KCNMB2: variants seen among roughly 807,000 people sequenced by gnomAD.
KCNMB2 encodes potassium calcium-activated channel subfamily M regulatory beta subunit 2.
In KCNMB2, 9 loss-of-function variants were observed where a neutral mutation model predicts 24.5. That is an observed-to-expected ratio of 0.37 (90% confidence interval 0.22 to 0.64). The LOEUF (loss-of-function observed/expected upper bound fraction) is 0.64, where lower values mean the gene tolerates loss of function less well. Among genes scored for constraint, KCNMB2 ranks in the 30% least tolerant of loss-of-function variants. The pLI is 0.63. For synonymous variants in KCNMB2, 109 were observed against 104.4 expected, an observed-to-expected ratio of 1.04 and a Z score of -0.27; for missense variants, 226 against 284.3, an observed-to-expected ratio of 0.79 and a Z score of 1.47.
At chr3:178,800,294 T>A (rs1324408196) in intron 1 of KCNMB2, among the ~76,000 whole-genome samples, 1 of 152,174 alleles carries the variant, frequency 6.6e-6, no homozygotes, top group Non-Finnish European at 1.5e-5. Flanking sequence ...AAGGGATTAG[T>A]AACCAGAATA....
At chr3:178,617,236 A>T (rs1305373291) in intron 1 of KCNMB2, among the ~76,000 whole-genome samples, 1 of 152,174 alleles carries the variant, frequency 6.6e-6, no homozygotes, top group Non-Finnish European at 1.5e-5. Context: ...ATTCAAAAGA[A>T]ATGTTACCAT....
At chr3:178,808,100 C>A (rs1714047765) in intron 2 of KCNMB2, among the ~76,000 whole-genome samples, 1 of 151,608 alleles carries the variant, frequency 6.6e-6, no homozygotes, top group South Asian at 2.1e-4. Context: ...GGAAGAATAG[C>A]CTGGGAGGAA....
chr3:178,707,897 C>T (rs1360115948), intron 1 of KCNMB2, among the ~76,000 whole-genome samples: 1 of 152,166 alleles, frequency 6.6e-6, no homozygotes, highest in East Asian at 1.9e-4. Flanking sequence ...CCCACCAGGA[C>T]AGTCCAAGTA....
intron 2 of KCNMB2, among the ~76,000 whole-genome samples, chr3:178,809,667 G>A (rs986771888): frequency 2.0e-5 from 3 of 152,176 alleles, no homozygotes; most frequent in Admixed American, 6.5e-5. Context: ...AATAGAGTTG[G>A]ATATTGCATA....
At chr3:178,665,740 T>C (rs1048356281) in intron 1 of KCNMB2, among the ~76,000 whole-genome samples, 1 of 152,156 alleles carries the variant, frequency 6.6e-6, no homozygotes, top group Non-Finnish European at 1.5e-5. Flanking sequence ...AGGCAAAGTT[T>C]CTATCCTCGT....
At chr3:178,623,767 A>T (rs138600650) in intron 1 of KCNMB2, among the ~76,000 whole-genome samples, 2 of 152,294 alleles carry the variant, frequency 1.3e-5, no homozygotes, top group East Asian at 1.9e-4. Context: ...TGCCCTGTAG[A>T]TATCTACAAA....
intron 1 of KCNMB2, among the ~76,000 whole-genome samples, chr3:178,590,630 T>C (rs1717631184): frequency 6.6e-6 from 1 of 152,204 alleles, no homozygotes; most frequent in Non-Finnish European, 1.5e-5. Context: ...TCCTCATCAA[T>C]GCTACAAAGT....
rs560676416 is a variant in KCNMB2, at chr3:178,678,099, G to T, written c.-67-129244G>T. 3.8e-4 allele frequency among the ~76,000 whole-genome samples: 58 copies of T among 152,318 alleles called. No individual in the cohort carries two copies. The Middle Eastern group carries it at 0.01, about 27-fold the overall frequency. ...AGAAGGTTGCTGAAATCAGTCTCTTGTCCAATCAAAATGGGAGTTATGGCT... is the reference window on the plus strand; with the variant it reads ...AGAAGGTTGCTGAAATCAGTCTCTTTTCCAATCAAAATGGGAGTTATGGCT... On this transcript the variant is annotated intron_variant, in intron 1 of 4. Transcript: ENST00000452583.
chr3:178,779,343 G>A (rs1712726714), intron 1 of KCNMB2, among the ~76,000 whole-genome samples: 1 of 152,146 alleles, frequency 6.6e-6, no homozygotes, highest in Non-Finnish European at 1.5e-5. Flanking sequence ...GTAAGGCACT[G>A]CAAAAATCTT....
intron 1 of KCNMB2, among the ~76,000 whole-genome samples, chr3:178,730,392 A>C: frequency 2.2e-5 from 3 of 135,154 alleles, no homozygotes; most frequent in African/African-American, 8.6e-5. Flanking sequence ...CTTTGTCACT[A>C]CTGTCCCCCA....
In KCNMB2 at chr3:178,758,493, G is replaced by GAC. The variant is rs1553774689; in HGVS notation, c.-67-48849_-67-48848insCA. 2.1e-4 allele frequency among the ~76,000 whole-genome samples: 3 copies of GAC among 14,072 alleles called. 1 individual carries two copies. The highest frequency in any genetic ancestry group is 8.6e-4 in the Admixed American group (1 of 1,162). 9.2% of individuals were successfully genotyped at this position (14,072 alleles called of 152,430 possible). A position where few individuals can be genotyped will look rare whatever the true frequency, so the allele number is the denominator to read the frequency against. On this transcript the variant is annotated intron_variant, in intron 1 of 4. Transcript: ENST00000452583. ...ATATATATATCTCCAAGAGGTGATT[G>GAC]ATATATATATATATATATCTCCAAG...
intron 1 of KCNMB2, among the ~76,000 whole-genome samples, chr3:178,632,066 G>A (rs1031767164): frequency 6.6e-6 from 1 of 152,214 alleles, no homozygotes; most frequent in African/African-American, 2.4e-5. Flanking sequence ...CGTCATCTGG[G>A]AGGCAAGACC....
At chr3:178,587,355 G>A (rs1421744832) in intron 1 of KCNMB2, among the ~76,000 whole-genome samples, 1 of 152,154 alleles carries the variant, frequency 6.6e-6, no homozygotes, top group African/African-American at 2.4e-5. Flanking sequence ...GAGGGTGGAA[G>A]AAGGACCCCT....
Position 178,825,667 on chromosome 3 carries a change from C to A in KCNMB2, c.136C>A (p.Arg46=). Reference sequence around the variant, plus strand: ...CACAGCACTGAAGGCAGGAGAGGACCGAGCTATTCTCCTGGGACTGGCTAT... The same window carrying A: ...CACAGCACTGAAGGCAGGAGAGGACAGAGCTATTCTCCTGGGACTGGCTAT... The part of the protein sequence containing the change: ...TVTALKAGED[R]AILLGLAMMV... The change falls in exon 3 of 5, where the codon CGA becomes AGA. Residue 46 remains arginine, a synonymous_variant. Transcript: ENST00000452583. The A allele has an allele frequency of 6.2e-7, 1 of 1,613,798 alleles. No homozygotes were observed. The highest frequency in any genetic ancestry group is 2.2e-5 in the East Asian group (1 of 44,870).
intron 1 of KCNMB2, among the ~76,000 whole-genome samples, chr3:178,604,602 G>A (rs1352406163): frequency 6.6e-6 from 1 of 152,092 alleles, no homozygotes; most frequent in African/African-American, 2.4e-5. Flanking sequence ...AATATAAATG[G>A]AATTTACAAG....
At chr3:178,578,673 A>C (rs1473527658) in intron 1 of KCNMB2, among the ~76,000 whole-genome samples, 2 of 152,220 alleles carry the variant, frequency 1.3e-5, no homozygotes, top group African/African-American at 4.8e-5. Flanking sequence ...AAATAAAGAG[A>C]TGGAGGAATA....
intron 1 of KCNMB2, among the ~76,000 whole-genome samples, chr3:178,578,829 C>T (rs1330326091): frequency 9.2e-5 from 14 of 152,106 alleles, no homozygotes; most frequent in Admixed American, 8.5e-4. Flanking sequence ...GCTAACTATC[C>T]TAAATATATA....
intron 1 of KCNMB2, among the ~76,000 whole-genome samples, chr3:178,710,534 C>A (rs1307872188): frequency 2.0e-5 from 3 of 152,134 alleles, no homozygotes; most frequent in Non-Finnish European, 4.4e-5. Context: ...TTTCTCCTCC[C>A]CAACCTATAG....
At chr3:178,661,758 A>T (rs1473558408) in intron 1 of KCNMB2, among the ~76,000 whole-genome samples, 1 of 152,204 alleles carries the variant, frequency 6.6e-6, no homozygotes, top group Non-Finnish European at 1.5e-5. Flanking sequence ...ACTGAATCAG[A>T]ATCAGACTTT....
Sources: gnomAD v4.1 joint callset for allele counts (sites outside exome capture counted in the v4.1 genomes callset) on GRCh38, gnomAD v4.1.1 for gene constraint, MANE v1.5 for transcripts, NCBI Gene and HGNC (gene_info 2026-07-23, HGNC 2026-07-21) for gene names.